The following GARNL3 variants were observed in gnomAD, a reference collection of about 807,000 sequenced individuals.
GARNL3 encodes the protein GTPase-activating Rap/Ran-GAP domain-like protein 3.
Under a neutral mutation model 125.0 loss-of-function variants are expected in GARNL3, and 63 were observed. The observed-to-expected ratio is 0.50, with a 90% CI of 0.41 to 0.62. The LOEUF is 0.62. Ranked by LOEUF, GARNL3 falls within the 20% of genes least tolerant of loss-of-function variation. The probability of loss-of-function intolerance (pLI) is 0.00; values close to 1 mark genes in which losing one functional copy is unlikely to be tolerated. For missense variants in GARNL3, 994 were observed against 1,244.0 expected (o/e 0.80, Z 3.02); for synonymous variants, 439 against 457.5 (o/e 0.96, Z 0.52).
At chr9:127,330,595 A>G (rs971083746) in intron 7 of GARNL3, among the ~76,000 whole-genome samples, 1 of 152,246 alleles carries the variant, frequency 6.6e-6, no homozygotes, top group Non-Finnish European at 1.5e-5. Context: ...AGTGGTAGAA[A>G]CAGATACGCA....
intron 14 of GARNL3, among the ~76,000 whole-genome samples, chr9:127,342,541 C>T (rs896678107): frequency 3.3e-5 from 5 of 152,074 alleles, no homozygotes; most frequent in African/African-American, 9.7e-5. Flanking sequence ...CACAGGAATG[C>T]GATTTCCAGA....
chr9:127,225,237 G>A (rs1389218255), intron 1 of GARNL3: 4 of 462,728 alleles, frequency 8.6e-6, no homozygotes, highest in Non-Finnish European at 8.5e-6. Flanking sequence ...GTGGGCTGCG[G>A]CGCGCGAGCC....
intron 27 of GARNL3, among the ~76,000 whole-genome samples, chr9:127,391,220 G>GGCT (rs1832813573): frequency 6.6e-6 from 1 of 151,342 alleles, no homozygotes; most frequent in Non-Finnish European, 1.5e-5. Context: ...GAGAGGCGGA[G>GGCT]GCTGCAGTCA....
At chr9:127,365,019 AC>A (rs1831207005) in intron 21 of GARNL3, 1 of 405,804 alleles carries the variant, frequency 2.5e-6, no homozygotes, top group South Asian at 4.4e-5. Flanking sequence ...CATACCAAAC[AC>A]AGAGCTTCTC....
chr9:127,375,475 AAAAAAAAAG>A (rs1433468963), intron 22 of GARNL3, among the ~76,000 whole-genome samples: 4 of 151,850 alleles, frequency 2.6e-5, no homozygotes, highest in Non-Finnish European at 5.9e-5. Context: ...CAGAAAAAAA[AAAAAAAAAG>A]AAAAGAAAGA....
intron 1 of GARNL3, among the ~76,000 whole-genome samples, chr9:127,230,926 T>G (rs373578030): frequency 6.3e-4 from 93 of 148,774 alleles, no homozygotes; most frequent in African/African-American, 2.2e-3. Flanking sequence ...AAAACCTACT[T>G]TGTGTGAGGG....
In GARNL3 at chr9:127,332,346, A is replaced by G; in HGVS notation, c.667A>G (p.Asn223Asp). 1 of 1,613,260 alleles carries G rather than the reference A, an allele frequency of 6.2e-7. No individual in the cohort carries two copies. Among genetic ancestry groups the G allele is most frequent in the Non-Finnish European group, 8.5e-7 (1 of 1,179,212 alleles). The change falls in exon 8 of 28, where the codon AAT becomes GAT. Residue 223 changes from asparagine (N) to aspartate (D), a missense_variant. Coordinates refer to ENST00000373387, the MANE Select transcript of GARNL3 (RefSeq NM_032293.5). ...GQLTDDEMFS[N>D]EIGSEPFQKF... is the part of the protein sequence containing the mutation. Reference sequence around the variant, plus strand: ...GCTCACTGATGATGAGATGTTCAGCAATGGTGAGTGATCTCCTCCCGCTCT... The same window carrying G: ...GCTCACTGATGATGAGATGTTCAGCGATGGTGAGTGATCTCCTCCCGCTCT...
At chr9:127,285,189 T>G (rs988257825) in intron 1 of GARNL3, among the ~76,000 whole-genome samples, 1 of 152,224 alleles carries the variant, frequency 6.6e-6, no homozygotes, top group African/African-American at 2.4e-5. Context: ...CTCGGCACTT[T>G]GGGAGGCCGA....
intron 22 of GARNL3, among the ~76,000 whole-genome samples, chr9:127,374,293 C>A (rs1831769142): frequency 6.6e-6 from 1 of 151,654 alleles, no homozygotes; most frequent in African/African-American, 2.4e-5. Flanking sequence ...AAGAGCAAAA[C>A]TCTGTCTCAA....
intron 1 of GARNL3, chr9:127,225,252 G>A: frequency 1.7e-6 from 1 of 594,476 alleles, no homozygotes; most frequent in Non-Finnish European, 2.1e-6. Flanking sequence ...CGAGCCGAGC[G>A]GCCGGCCGAG....
chr9:127,300,844 T>A, intron 2 of GARNL3: 1 of 352,068 alleles, frequency 2.8e-6, no homozygotes. Flanking sequence ...ACATTAGGCA[T>A]GTATTTACAG....
Position 127,390,780 on chromosome 9 carries a change from A to G in GARNL3, c.2870+13A>G. 4 of 1,611,436 alleles carry G rather than the reference A, an allele frequency of 2.5e-6. No homozygotes were observed. Among genetic ancestry groups the G allele is most frequent in the Non-Finnish European group, 3.4e-6 (4 of 1,178,728 alleles). On this transcript the variant is annotated intron_variant, in intron 27 of 27. Coordinates refer to ENST00000373387, the MANE Select transcript of GARNL3 (RefSeq NM_032293.5). ...CTAGCAGTGACAGGTAAAGAGAGGG[A>G]GAGGCCCCTGCTTGGGGTGGTGGAC...
At chr9:127,290,180 TTCAACAAATACCAGATAC>T (rs2064372062) in intron 1 of GARNL3, among the ~76,000 whole-genome samples, 1 of 152,252 alleles carries the variant, frequency 6.6e-6, no homozygotes, top group Non-Finnish European at 1.5e-5. Context: ...ATGCATGGCA[TTCAACAAATACCAGATAC>T]TGTTTCTATA....
At chr9:127,303,406 G>A (rs918646839) in intron 2 of GARNL3, among the ~76,000 whole-genome samples, 1 of 152,152 alleles carries the variant, frequency 6.6e-6, no homozygotes, top group Non-Finnish European at 1.5e-5. Context: ...CAATCTAGTA[G>A]CATGGTTATT....
At chr9:127,383,336 GCAGATAGGGTACTATTCTTGTTGC>G in intron 22 of GARNL3, 78 bp from the exon 23 acceptor site, 1 of 664,394 alleles carries the variant, frequency 1.5e-6, no homozygotes, top group Non-Finnish European at 2.6e-6. Flanking sequence ...TAAAGAACTA[GCAGATAGGGTACTATTCTTGTTGC>G]CTGTTTTTCA....
intron 2 of GARNL3, chr9:127,300,239 C>CA (rs1269628339): frequency 2.0e-5 from 6 of 292,792 alleles, no homozygotes; most frequent in Non-Finnish European, 2.1e-5. Flanking sequence ...AATTTTTGAG[C>CA]AAAAAATCTT....
intron 1 of GARNL3, among the ~76,000 whole-genome samples, chr9:127,267,486 G>A (rs2063729595): frequency 6.6e-6 from 1 of 151,874 alleles, no homozygotes; most frequent in Non-Finnish European, 1.5e-5. Flanking sequence ...TATTTTAATG[G>A]GTACATGATA....
intron 8 of GARNL3, 56 bp from the exon 9 acceptor site, chr9:127,332,967 G>C: frequency 2.5e-6 from 3 of 1,224,112 alleles, no homozygotes; most frequent in Non-Finnish European, 3.6e-6. Flanking sequence ...TCCATAGTTA[G>C]AAAATGAGGA....
At chr9:127,276,646 A>G (rs561536263) in intron 1 of GARNL3, among the ~76,000 whole-genome samples, 1 of 152,352 alleles carries the variant, frequency 6.6e-6, no homozygotes, top group South Asian at 2.1e-4. Context: ...CCCAAGCTGA[A>G]CTCACCCTGT....
Sources: gnomAD v4.1 joint callset for allele counts (sites outside exome capture counted in the v4.1 genomes callset) on GRCh38, gnomAD v4.1.1 for gene constraint, MANE v1.5 for transcripts, NCBI Gene and HGNC (gene_info 2026-07-23, HGNC 2026-07-21) for gene names.